TAFA1: variants seen among roughly 807,000 people sequenced by gnomAD.
TAFA1 encodes chemokine-like protein TAFA-1.
TAFA1 carries 4 observed loss-of-function variants against 18.5 expected under a neutral mutation model. The ratio of observed to expected loss-of-function variants is 0.22; its 90% CI spans 0.11 to 0.49. The LOEUF is 0.49. Among genes scored for constraint, TAFA1 ranks in the 20% least tolerant of loss-of-function variants. TAFA1 has a pLI of 0.98. For missense variants in TAFA1, 147 were observed against 169.0 expected, an observed-to-expected ratio of 0.87 and a Z score of 0.72; for synonymous variants, 56 against 55.2, an observed-to-expected ratio of 1.01 and a Z score of -0.06.
intron 2 of TAFA1, among the ~76,000 whole-genome samples, chr3:68,137,711 C>G (rs2065624311): frequency 6.6e-6 from 1 of 152,076 alleles, no homozygotes; most frequent in South Asian, 2.1e-4. Context: ...TCAGCTGTGG[C>G]CAGAAAGTGA....
At chr3:68,163,327 T>A (rs916059565) in intron 2 of TAFA1, among the ~76,000 whole-genome samples, 1 of 152,192 alleles carries the variant, frequency 6.6e-6, no homozygotes, top group African/African-American at 2.4e-5. Context: ...AGATATGCAA[T>A]GTCCTTGCTG....
chr3:68,280,218 T>G (rs2067874286), intron 2 of TAFA1, among the ~76,000 whole-genome samples: 1 of 152,176 alleles, frequency 6.6e-6, no homozygotes, highest in Non-Finnish European at 1.5e-5. Context: ...TGAGACATCT[T>G]TCAACAGTGA....
At chr3:68,183,304 T>C (rs187075677) in intron 2 of TAFA1, among the ~76,000 whole-genome samples, 2 of 152,250 alleles carry the variant, frequency 1.3e-5, no homozygotes, top group Admixed American at 1.3e-4. Context: ...GATCTCGAGC[T>C]CCTCATTATG....
intron 2 of TAFA1, among the ~76,000 whole-genome samples, chr3:68,103,902 A>C (rs1237070595): frequency 6.6e-6 from 1 of 152,126 alleles, no homozygotes; most frequent in Admixed American, 6.6e-5. Flanking sequence ...CTCGAATCTC[A>C]GAGTTCCTAC....
chr3:68,236,624 C>T (rs1006467440), intron 2 of TAFA1, among the ~76,000 whole-genome samples: 3 of 152,176 alleles, frequency 2.0e-5, no homozygotes, highest in African/African-American at 4.8e-5. Context: ...TCTGTTAACC[C>T]GAATATTCCA....
chr3:68,425,672 T>C (rs576191806), intron 3 of TAFA1, among the ~76,000 whole-genome samples: 2 of 151,960 alleles, frequency 1.3e-5, no homozygotes, highest in Non-Finnish European at 2.9e-5. Context: ...GATAGGTGTC[T>C]ACGTTTGTTC....
At chr3:68,282,727 T>C (rs2067921328) in intron 2 of TAFA1, among the ~76,000 whole-genome samples, 1 of 152,196 alleles carries the variant, frequency 6.6e-6, no homozygotes, top group Non-Finnish European at 1.5e-5. Flanking sequence ...TTGCTGGCTT[T>C]CATTCTCTAG....
chr3:67,996,668 C>T, the TAFA1 span, among the ~76,000 whole-genome samples: 1 of 151,870 alleles, frequency 6.6e-6, no homozygotes, highest in African/African-American at 2.4e-5. Context: ...GTGTGGTGGT[C>T]TGTGCCTATA....
chr3:68,092,777 T>C (rs1559517495), intron 2 of TAFA1, among the ~76,000 whole-genome samples: 1 of 152,064 alleles, frequency 6.6e-6, no homozygotes, highest in Non-Finnish European at 1.5e-5. Context: ...TCCCCAAATG[T>C]ACCAAAATAA....
At chr3:68,331,135 A>G (rs1320882987) in intron 2 of TAFA1, among the ~76,000 whole-genome samples, 1 of 152,188 alleles carries the variant, frequency 6.6e-6, no homozygotes, top group African/African-American at 2.4e-5. Flanking sequence ...AGTACATGCT[A>G]TAACATGGAA....
chr3:68,202,204 A>T, intron 2 of TAFA1, among the ~76,000 whole-genome samples: 1 of 151,812 alleles, frequency 6.6e-6, no homozygotes, highest in South Asian at 2.1e-4. Flanking sequence ...TAATATTAGC[A>T]TAGTATATTT....
At chr3:68,430,643 T>C (rs17047716) in intron 3 of TAFA1, among the ~76,000 whole-genome samples, 4,011 of 152,010 alleles carry the variant, frequency 0.026, 167 homozygotes, top group African/African-American at 0.09. Context: ...TTTCAAAACC[T>C]CTATACTAAC....
intron 2 of TAFA1, among the ~76,000 whole-genome samples, chr3:68,151,067 T>C (rs1399052178): frequency 1.3e-5 from 2 of 151,832 alleles, no homozygotes; most frequent in Non-Finnish European, 2.9e-5. Flanking sequence ...CCTGAGTTTA[T>C]TCAAACTCAG....
chr3:68,180,416 A>G (rs918034239), intron 2 of TAFA1, among the ~76,000 whole-genome samples: 1 of 152,144 alleles, frequency 6.6e-6, no homozygotes, highest in Non-Finnish European at 1.5e-5. Flanking sequence ...GGAGCTAGAT[A>G]GCTAGTAACA....
intron 2 of TAFA1, among the ~76,000 whole-genome samples, chr3:68,183,280 A>G (rs1161944942): frequency 6.6e-6 from 1 of 152,164 alleles, no homozygotes. Context: ...GGACTTCATT[A>G]AGTGATAATA....
intron 2 of TAFA1, among the ~76,000 whole-genome samples, chr3:68,007,929 TC>T (rs890427245): frequency 3.9e-5 from 6 of 152,162 alleles, no homozygotes; most frequent in African/African-American, 1.4e-4. Flanking sequence ...GGCAGGCATG[TC>T]AGAGCGCGGA....
intron 2 of TAFA1, among the ~76,000 whole-genome samples, chr3:68,305,409 C>CCATATATATA (rs2068390158): frequency 2.6e-5 from 1 of 38,200 alleles, no homozygotes; most frequent in Non-Finnish European, 4.6e-5. Context: ...GACTATATGA[C>CCATATATATA]TATATATATA....
At chr3:68,040,444 T>C (rs978231590) in intron 2 of TAFA1, among the ~76,000 whole-genome samples, 1 of 152,188 alleles carries the variant, frequency 6.6e-6, no homozygotes, top group Non-Finnish European at 1.5e-5. Flanking sequence ...TCAAGAAACC[T>C]AGTCTCTGAT....
chr3:68,174,091 G>A (rs1170278101), intron 2 of TAFA1, among the ~76,000 whole-genome samples: 2 of 152,178 alleles, frequency 1.3e-5, no homozygotes, highest in East Asian at 1.9e-4. Context: ...ATGCAAAAAA[G>A]GCCCCATTCC....
Sources: allele counts gnomAD v4.1 joint callset (sites outside exome capture counted in the v4.1 genomes callset), GRCh38; gene constraint gnomAD v4.1.1; transcripts MANE v1.5; gene names NCBI Gene and HGNC (gene_info 2026-07-23, HGNC 2026-07-21).